PHF21A: variants seen among roughly 807,000 people sequenced by gnomAD.
The protein encoded by PHF21A is BHC80a.
In PHF21A, 11 loss-of-function variants were observed where a neutral mutation model predicts 82.5. The observed-to-expected ratio is 0.13, with a 90% CI of 0.08 to 0.22. The LOEUF is 0.22. Ranked by LOEUF, PHF21A falls within the 10% of genes least tolerant of loss-of-function variation. PHF21A has a pLI of 1.00. For missense variants in PHF21A, 579 were observed against 837.8 expected (o/e 0.69, Z 3.81); for synonymous variants, 297 against 302.8 (o/e 0.98, Z 0.20).
intron 6 of PHF21A, among the ~76,000 whole-genome samples, chr11:45,997,768 G>A (rs1020930467): frequency 1.3e-5 from 2 of 152,144 alleles, no homozygotes; most frequent in Non-Finnish European, 2.9e-5. Flanking sequence ...TTGTCTCACG[G>A]TGCAAATCAA....
intron 1 of PHF21A, among the ~76,000 whole-genome samples, chr11:46,099,560 A>ACC (rs1555191390): frequency 0.029 from 4,276 of 146,048 alleles, 177 homozygotes; most frequent in African/African-American, 0.09. Context: ...ACACACACAC[A>ACC]CACCCTAAAC....
chr11:45,996,404 T>A (rs1028319766), intron 6 of PHF21A, among the ~76,000 whole-genome samples: 21 of 152,202 alleles, frequency 1.4e-4, no homozygotes, highest in Non-Finnish European at 2.5e-4. Context: ...TCTCTTTATG[T>A]ATTGCTCAGT....
rs749509550 is a variant in PHF21A, at chr11:46,101,859, CTTTT to C, written c.-236-9640_-236-9637del. Among the ~76,000 whole-genome samples, 4 of 141,032 alleles carry C rather than the reference CTTTT, an allele frequency of 2.8e-5. No homozygotes were observed. The Admixed American group carries it at 2.8e-4, about 10-fold the overall frequency. The allele number at this position is 141,032 out of a possible 152,430, so 92.5% of individuals were successfully genotyped here. A position where few individuals can be genotyped will look rare whatever the true frequency, so the allele number is the denominator to read the frequency against. On this transcript the variant is annotated intron_variant, in intron 1 of 18. Transcript: ENST00000676320. ...CCATGTTGCCCGTGCTGGTCTCCCT[CTTTT>C]TTTTTTTTTTTTTAAATACGGAGTC...
At chr11:46,075,965 T>C (rs1414224398) in intron 6 of PHF21A, among the ~76,000 whole-genome samples, 4 of 152,224 alleles carry the variant, frequency 2.6e-5, no homozygotes, top group Admixed American at 2.6e-4. Context: ...CCTTATTCTT[T>C]TGATTAATAT....
intron 6 of PHF21A, among the ~76,000 whole-genome samples, chr11:46,030,035 A>T (rs1207062593): frequency 6.6e-6 from 1 of 152,228 alleles, no homozygotes; most frequent in Non-Finnish European, 1.5e-5. Flanking sequence ...TACGCTCTGT[A>T]CAAGAAGAGA....
At chr11:46,054,602 GGC>G (rs2096423007) in intron 6 of PHF21A, among the ~76,000 whole-genome samples, 1 of 152,130 alleles carries the variant, frequency 6.6e-6, no homozygotes, top group Non-Finnish European at 1.5e-5. Flanking sequence ...ACGTAGATGT[GGC>G]ACTGGCCTTC....
chr11:46,090,831 T>C (rs927472783), intron 2 of PHF21A, among the ~76,000 whole-genome samples: 5 of 152,138 alleles, frequency 3.3e-5, no homozygotes, highest in Admixed American at 1.3e-4. Context: ...AACCCATTTA[T>C]ACCTAGTGTT....
At chr11:46,094,134 T>C (rs903269273) in intron 1 of PHF21A, among the ~76,000 whole-genome samples, 5 of 152,226 alleles carry the variant, frequency 3.3e-5, no homozygotes, top group African/African-American at 4.8e-5. Context: ...TTTTAACTTA[T>C]ACAGCATTTG....
chr11:45,950,144 C>T, intron 12 of PHF21A, 62 bp downstream of exon 12: 1 of 1,271,276 alleles, frequency 7.9e-7, no homozygotes, highest in Non-Finnish European at 1.1e-6. Context: ...AATCAAACAT[C>T]ATTTTCAGGA....
chr11:45,945,641 A>C (rs1257811152), intron 15 of PHF21A, among the ~76,000 whole-genome samples, 199 bp downstream of exon 15: 1 of 152,176 alleles, frequency 6.6e-6, no homozygotes, highest in Non-Finnish European at 1.5e-5. Flanking sequence ...GGTTATATTT[A>C]ACATGTTTCT....
At chr11:46,024,007 C>G (rs1368507926) in intron 6 of PHF21A, among the ~76,000 whole-genome samples, 3 of 148,968 alleles carry the variant, frequency 2.0e-5, no homozygotes, top group Non-Finnish European at 4.5e-5. Context: ...ATGTAGCAAC[C>G]TGTAACATGT....
At chr11:45,981,392 CAAAA>C (rs59866051) in intron 6 of PHF21A, among the ~76,000 whole-genome samples, 2 of 60,262 alleles carry the variant, frequency 3.3e-5, no homozygotes, top group African/African-American at 6.9e-5. Flanking sequence ...AACCCTGTCT[CAAAA>C]AAAAAAAAAA....
chr11:45,966,651 C>A (rs1213948403), intron 9 of PHF21A, among the ~76,000 whole-genome samples: 1 of 152,102 alleles, frequency 6.6e-6, no homozygotes, highest in Non-Finnish European at 1.5e-5. Flanking sequence ...GATGGAGTCT[C>A]GCTCTGTTGC....
chr11:45,953,664 TTTTA>T, intron 10 of PHF21A, 39 bp from the exon 11 acceptor site: 1 of 1,391,992 alleles, frequency 7.2e-7, no homozygotes. Context: ...AGAATTCGTT[TTTTA>T]TTAAAAGGAT....
intron 6 of PHF21A, chr11:46,049,607 T>G (rs951772604): frequency 2.4e-4 from 97 of 403,994 alleles, no homozygotes; most frequent in Middle Eastern, 1.4e-3. Context: ...CTGGTTTTGC[T>G]CTTCCCACCT....
chr11:46,074,783 G>A (rs1007374468), intron 6 of PHF21A, among the ~76,000 whole-genome samples: 9 of 152,206 alleles, frequency 5.9e-5, no homozygotes, highest in African/African-American at 1.2e-4. Context: ...GATTACAGGC[G>A]TGAGCCACCG....
chr11:46,035,243 C>T (rs2095971535), intron 6 of PHF21A, among the ~76,000 whole-genome samples: 1 of 152,142 alleles, frequency 6.6e-6, no homozygotes, highest in African/African-American at 2.4e-5. Flanking sequence ...GCCAATTGTT[C>T]TTATACCATT....
intron 6 of PHF21A, among the ~76,000 whole-genome samples, chr11:46,066,667 C>A (rs1399554757): frequency 6.6e-6 from 1 of 152,082 alleles, no homozygotes; most frequent in Non-Finnish European, 1.5e-5. Context: ...CCACCGCACA[C>A]CAGCTTGGGC....
chr11:45,931,412 G>A lies in PHF21A; in HGVS notation c.*2556C>T, dbSNP rs987117023. 5.3e-5 allele frequency: 8 copies of A among 152,244 alleles called. No individual in the cohort carries two copies. The highest frequency in any genetic ancestry group is 1.9e-4 in the African/African-American group (8 of 41,450). 9.4% of individuals were successfully genotyped at this position (152,244 alleles called of 1,614,324 possible). Reference sequence around the variant, plus strand: ...AGTCCAGGCATCTCCAAGGCTCCCTGACTAGACACAGCACCTTGGTTTCTG... The same window carrying A: ...AGTCCAGGCATCTCCAAGGCTCCCTAACTAGACACAGCACCTTGGTTTCTG... On this transcript the variant is annotated 3_prime_UTR_variant, in exon 19 of 19. Coordinates refer to ENST00000676320, the MANE Select transcript of PHF21A (RefSeq NM_001352027.3).
Sources: allele counts gnomAD v4.1 joint callset (sites outside exome capture counted in the v4.1 genomes callset), GRCh38; gene constraint gnomAD v4.1.1; transcripts MANE v1.5; gene names NCBI Gene and HGNC (gene_info 2026-07-23, HGNC 2026-07-21).